CUL4B: variants seen among roughly 807,000 people sequenced by gnomAD.
The protein encoded by CUL4B is cullin 4B.
CUL4B carries 1 observed loss-of-function variant against 69.2 expected under a neutral mutation model. The observed-to-expected ratio is 0.01, with a 90% CI of 0.01 to 0.07. The LOEUF (loss-of-function observed/expected upper bound fraction) is 0.07. Among genes scored for constraint, CUL4B ranks in the 10% least tolerant of loss-of-function variants. The probability of loss-of-function intolerance (pLI) is 1.00; values close to 1 mark genes in which losing one functional copy is unlikely to be tolerated. For synonymous variants in CUL4B, 237 were observed against 223.2 expected (o/e 1.06, Z -0.55); for missense variants, 328 against 638.8 (o/e 0.51, Z 5.24).
chrX:120,560,544 G>A lies in CUL4B; in HGVS notation c.95C>T (p.Pro32Leu), dbSNP rs869320682. The A allele has an allele frequency of 1.7e-6, 2 of 1,206,671 alleles. No homozygotes were observed. The highest frequency in any genetic ancestry group is 1.8e-5 in the African/African-American group (1 of 56,948). The change falls in exon 1 of 20, where the codon CCG becomes CTG. Residue 32 changes from proline to leucine, a missense_variant. Coordinates refer to ENST00000371322, the MANE Select transcript of CUL4B (RefSeq NM_001079872.2). ...CTTTCTCTTCTTGGCAGAGGTGGGC[G>A]GAGTGGTGCTGGTATTACCATCAGT... ...SATDGNTSTT[P>L]PTSAKKRKLN... is the part of the protein sequence containing the mutation.
At chrX:120,531,335 T>C (rs1244247154) in intron 18 of CUL4B, among the ~76,000 whole-genome samples, 1 of 109,457 alleles carries the variant, frequency 9.1e-6, no homozygotes, top group Non-Finnish European at 1.9e-5. Context: ...AAAAAATTTT[T>C]TTTTTTTCAA....
chrX:120,536,186 C>T (rs1043219884), intron 15 of CUL4B, among the ~76,000 whole-genome samples: 1 of 113,176 alleles, frequency 8.8e-6, no homozygotes, highest in African/African-American at 3.2e-5. Flanking sequence ...CATTCACCTG[C>T]AGCAGCTTTT....
exon 3 of CUL4B, chrX:120,571,951 T>C (rs1022551608): frequency 9.1e-6 from 1 of 110,169 alleles, no homozygotes; most frequent in Admixed American, 9.8e-5. Flanking sequence ...TCCCTGCAGA[T>C]ACGTTGGAAC....
rs997307868 is a variant in CUL4B at position 120,536,960 on chromosome X, T to A, written c.2013A>T (p.Thr671=). The A allele has an allele frequency of 8.3e-7, 1 of 1,206,070 alleles. No individual in the cohort carries two copies. The highest frequency in any genetic ancestry group is 2.2e-5 in the Admixed American group (1 of 45,794). ...VNILTMGYWP[T]YVPMEVHLPP... is the part of the protein sequence containing the mutation. ...GTAAATGAACTTCCATAGGCACATATGTCGGCCAATAGCCCATTGTCAGGA... is the reference window on the plus strand; with the variant it reads ...GTAAATGAACTTCCATAGGCACATAAGTCGGCCAATAGCCCATTGTCAGGA... The change falls in exon 15 of 20, where the codon ACA becomes ACT. Residue 671 remains threonine, a synonymous_variant. Transcript: ENST00000371322.
intron 17 of CUL4B, among the ~76,000 whole-genome samples, chrX:120,533,933 G>A (rs990340857): frequency 1.8e-5 from 2 of 110,755 alleles, no homozygotes; most frequent in South Asian, 7.6e-4. Context: ...AGGTGTGGTG[G>A]CAGGCGCCTG....
At chrX:120,568,410 G>A (rs944599816), downstream of CUL4B, among the ~76,000 whole-genome samples, 2 of 111,798 alleles carry the variant, frequency 1.8e-5, no homozygotes. Flanking sequence ...AGCAGACATT[G>A]GGTATGTAGG....
At chrX:120,555,669 C>T (rs1463712833) in intron 2 of CUL4B, among the ~76,000 whole-genome samples, 1 of 110,252 alleles carries the variant, frequency 9.1e-6, no homozygotes, top group Non-Finnish European at 1.9e-5. Context: ...AGGCCAGGCG[C>T]GGTGGCTCAC....
intron 19 of CUL4B, among the ~76,000 whole-genome samples, chrX:120,527,941 C>T (rs1026637189): frequency 4.5e-5 from 5 of 112,312 alleles, no homozygotes; most frequent in Middle Eastern, 4.6e-3. Context: ...CTACCCTTCG[C>T]GTGGTTAAAT....
At chrX:120,534,391 T>G in intron 17 of CUL4B, 90 bp downstream of exon 17, 2 of 660,706 alleles carry the variant, frequency 3.0e-6, no homozygotes, top group South Asian at 4.5e-5. Context: ...AAAACAGTTC[T>G]GAGGCAAGGA....
chrX:120,530,020 G>A (rs1923215545), intron 19 of CUL4B, 82 bp downstream of exon 19: 1 of 1,016,035 alleles, frequency 9.8e-7, no homozygotes, highest in African/African-American at 1.9e-5. Flanking sequence ...GACGCTTTAT[G>A]TTTGCAAGAT....
chrX:120,546,519 C>A, intron 4 of CUL4B, 28 bp downstream of exon 4: 2 of 1,132,628 alleles, frequency 1.8e-6, no homozygotes, highest in South Asian at 3.6e-5. Context: ...CAATGTTTAG[C>A]CGAAATACAA....
At chrX:120,552,552 G>A (rs909517562) in intron 2 of CUL4B, among the ~76,000 whole-genome samples, 42 of 111,523 alleles carry the variant, frequency 3.8e-4, no homozygotes, top group African/African-American at 1.3e-3. Flanking sequence ...TAAAATACAG[G>A]CATTCTAGCA....
Position 120,526,390 on chromosome X carries a change from T to C in CUL4B, c.*371A>G. On this transcript the variant is annotated 3_prime_UTR_variant, in exon 20 of 20. Coordinates refer to ENST00000371322, the MANE Select transcript of CUL4B (RefSeq NM_001079872.2). Reference sequence around the variant, plus strand: ...GCAGTTTAAGTATCTTTAAATGACATTTTAAGCAAATAAACCTTTTGCTTC... The same window carrying C: ...GCAGTTTAAGTATCTTTAAATGACACTTTAAGCAAATAAACCTTTTGCTTC... 2 of 167,809 alleles carry C rather than the reference T, an allele frequency of 1.2e-5. No homozygotes were observed. The highest frequency in any genetic ancestry group is 2.4e-4 in the South Asian group (2 of 8,310). 13.8% of individuals were successfully genotyped at this position (167,809 alleles called of 1,213,427 possible).
At chrX:120,534,052 C>A (rs147493910) in intron 17 of CUL4B, among the ~76,000 whole-genome samples, 1,249 of 107,959 alleles carry the variant, frequency 0.012, 19 homozygotes, top group African/African-American at 0.04. Context: ...GGTGACAGAG[C>A]AAGATTCCGT....
At chrX:120,558,750 G>C (rs1331364181) in intron 1 of CUL4B, among the ~76,000 whole-genome samples, 1 of 111,785 alleles carries the variant, frequency 8.9e-6, no homozygotes, top group African/African-American at 3.2e-5. Flanking sequence ...GACTAGCAAT[G>C]AGTGTGGGGA....
intron 13 of CUL4B, 83 bp downstream of exon 13, chrX:120,538,577 A>T (rs1923804130): frequency 1.5e-6 from 1 of 668,983 alleles, no homozygotes; most frequent in Non-Finnish European, 2.4e-6. Flanking sequence ...GAGTGACAAA[A>T]GAGGAAATCG....
chrX:120,548,179 C>T (rs1047677481), intron 2 of CUL4B, among the ~76,000 whole-genome samples: 5 of 111,177 alleles, frequency 4.5e-5, no homozygotes, highest in Non-Finnish European at 9.4e-5. Flanking sequence ...GAGGCTGAGG[C>T]AGGAGGATCA....
In CUL4B at chrX:120,560,590, C is replaced by T. The variant is rs781117807; in HGVS notation, c.49G>A (p.Ala17Thr). 2.5e-6 allele frequency: 3 copies of T among 1,206,536 alleles called. No homozygotes were observed. In the South Asian group the frequency reaches 5.3e-5, roughly 21 times the overall value. ...TCAGTGGCAGATCTGACCTCCTGAG[C>T]AGCAGCAGCAGCTGAGGGACTGGGG... ...SSPSPSAAAA[A>T]QEVRSATDGN... Residue 17 changes from alanine (A) to threonine (T), a missense_variant, in exon 1 of 20, where the codon GCT (alanine) becomes ACT (threonine). Transcript: ENST00000371322.
intron 19 of CUL4B, among the ~76,000 whole-genome samples, chrX:120,528,192 A>T (rs1176519495): frequency 9.1e-6 from 1 of 109,794 alleles, no homozygotes; most frequent in Non-Finnish European, 1.9e-5. Flanking sequence ...GGATCACCTG[A>T]GGTCAGAAGT....
Sources: gnomAD v4.1 joint callset for allele counts (sites outside exome capture counted in the v4.1 genomes callset) on GRCh38, gnomAD v4.1.1 for gene constraint, MANE v1.5 for transcripts, NCBI Gene and HGNC (gene_info 2026-07-23, HGNC 2026-07-21) for gene names.